ZBTB16: variants seen among roughly 807,000 people sequenced by gnomAD.
The protein encoded by ZBTB16 is zinc finger and BTB domain containing 16.
Under a neutral mutation model 56.8 loss-of-function variants are expected in ZBTB16, and 8 were observed. The observed-to-expected ratio is 0.14, with a 90% CI of 0.08 to 0.25. The LOEUF (loss-of-function observed/expected upper bound fraction) is 0.25. Ranked by LOEUF, ZBTB16 falls within the 10% of genes least tolerant of loss-of-function variation. The probability of loss-of-function intolerance (pLI) is 1.00; values close to 1 mark genes in which losing one functional copy is unlikely to be tolerated. For synonymous variants in ZBTB16, 363 were observed against 368.5 expected, an observed-to-expected ratio of 0.98 and a Z score of 0.17; for missense variants, 625 against 903.0, an observed-to-expected ratio of 0.69 and a Z score of 3.95.
At chr11:114,118,734 C>T (rs1334868232) in intron 2 of ZBTB16, among the ~76,000 whole-genome samples, 1 of 152,094 alleles carries the variant, frequency 6.6e-6, no homozygotes, top group Non-Finnish European at 1.5e-5. Flanking sequence ...ACTCTCACCC[C>T]TAGGAGAACA....
rs1944721685 is a variant in ZBTB16 at position 114,242,226 on chromosome 11, C to T, written c.1513C>T (p.Leu505=). 1 of 1,613,866 alleles carries T rather than the reference C, an allele frequency of 6.2e-7. No individual in the cohort carries two copies. The highest frequency in any genetic ancestry group is 8.5e-7 in the Non-Finnish European group (1 of 1,179,994). Residue 505 remains leucine, a synonymous_variant, in exon 5 of 7, where the codon CTG becomes TTG. Coordinates refer to ENST00000335953, the MANE Select transcript of ZBTB16 (RefSeq NM_006006.6). Reference sequence around the variant, plus strand: ...GAAGCGCTTCCAGGCGCAGAGCGCACTGCAGCAGCACATGGAGGTCCACGC... The same window carrying T: ...GAAGCGCTTCCAGGCGCAGAGCGCATTGCAGCAGCACATGGAGGTCCACGC... ...CGKRFQAQSA[L]QQHMEVHAGV... is the part of the protein sequence containing the mutation.
chr11:114,196,725 G>A (rs1275511161), intron 4 of ZBTB16, among the ~76,000 whole-genome samples: 3 of 152,160 alleles, frequency 2.0e-5, no homozygotes, highest in East Asian at 1.9e-4. Context: ...TGAAGGTTAC[G>A]GTGTTATGAA....
At chr11:114,234,342 C>A (rs970163273) in intron 4 of ZBTB16, among the ~76,000 whole-genome samples, 5 of 152,296 alleles carry the variant, frequency 3.3e-5, no homozygotes, top group African/African-American at 1.2e-4. Flanking sequence ...GACAAACACC[C>A]ATGCATGAGC....
At chr11:114,234,631 T>C (rs1045568056) in intron 4 of ZBTB16, among the ~76,000 whole-genome samples, 5 of 152,168 alleles carry the variant, frequency 3.3e-5, no homozygotes, top group African/African-American at 7.2e-5. Flanking sequence ...GTAGATTCCT[T>C]GAAAAGGAGG....
chr11:114,247,017 A>C (rs1226773479), intron 5 of ZBTB16, 181 bp from the exon 6 acceptor site: 4 of 720,746 alleles, frequency 5.5e-6, no homozygotes, highest in Non-Finnish European at 9.5e-6. Flanking sequence ...AAGTATGGTC[A>C]TGTGTGAAGA....
intron 6 of ZBTB16, among the ~76,000 whole-genome samples, chr11:114,248,718 G>T (rs1396585662): frequency 6.6e-6 from 1 of 152,140 alleles, no homozygotes; most frequent in African/African-American, 2.4e-5. Context: ...CGTTTTTCGT[G>T]TCCCAGTTTG....
At chr11:114,098,322 G>A (rs1378752919) in intron 2 of ZBTB16, among the ~76,000 whole-genome samples, 1 of 152,106 alleles carries the variant, frequency 6.6e-6, no homozygotes, top group African/African-American at 2.4e-5. Context: ...GAAGGTAGGG[G>A]CGCACTATAT....
chr11:114,188,561 G>A (rs1377052937), intron 4 of ZBTB16: 1 of 152,152 alleles, frequency 6.6e-6, no homozygotes, highest in Non-Finnish European at 1.5e-5. Context: ...GGAGTGTTTG[G>A]CTCATAGTAA....
chr11:114,141,557 G>A (rs953114255), intron 2 of ZBTB16, among the ~76,000 whole-genome samples: 3 of 152,200 alleles, frequency 2.0e-5, no homozygotes, highest in Non-Finnish European at 4.4e-5. Flanking sequence ...TGTTTTACAT[G>A]CACAGTCTCA....
chr11:114,114,338 C>T (rs150414728), intron 2 of ZBTB16, among the ~76,000 whole-genome samples: 52 of 152,290 alleles, frequency 3.4e-4, no homozygotes, highest in East Asian at 1.9e-4. Flanking sequence ...GAGGGACCAC[C>T]GGGCTTCAGT....
intron 4 of ZBTB16, among the ~76,000 whole-genome samples, chr11:114,239,667 T>G (rs1944661580): frequency 6.6e-6 from 1 of 152,052 alleles, no homozygotes; most frequent in African/African-American, 2.4e-5. Flanking sequence ...CCAGTGGGAT[T>G]GGAAGGCCTC....
chr11:114,206,677 C>A (rs765076432), intron 4 of ZBTB16, among the ~76,000 whole-genome samples: 1 of 152,184 alleles, frequency 6.6e-6, no homozygotes, highest in Non-Finnish European at 1.5e-5. Flanking sequence ...GGGCTCAGCC[C>A]GCTTTCAGAA....
At position 114,155,923 on chromosome 11, in the gene ZBTB16, C is replaced by T. The variant is rs149403014; in HGVS notation, c.1269-414C>T. The stretch of plus-strand genomic sequence containing the variant: ...GTGTAGCCCTCCTGGGTCCCATGGG[C>T]TCGTTCACAGTCACCACCCGGGAAA... On this transcript the variant is annotated intron_variant, in intron 2 of 6. Transcript: ENST00000335953. Among the ~76,000 whole-genome samples the T allele has an allele frequency of 7.6e-3, 1,155 of 152,276 alleles. 16 individuals carry two copies. The highest frequency in any genetic ancestry group is 0.025 in the African/African-American group (1,027 of 41,546).
In ZBTB16 at chr11:114,253,520, A is replaced by ATCTGGTGTTGC. The variant is rs1325505975; in HGVS notation, c.*2966_*2976dup. On this transcript the variant is annotated 3_prime_UTR_variant, in exon 7 of 7. Coordinates refer to ENST00000335953, the MANE Select transcript of ZBTB16 (RefSeq NM_006006.6). ...TGTTAAATCATGCAGTATTGTCGTAATCTGGTGTTGCAGCAATGGATGGTA... is the reference window on the plus strand; with the variant it reads ...TGTTAAATCATGCAGTATTGTCGTAATCTGGTGTTGCTCTGGTGTTGCAGCAATGGATGGTA... Among the ~76,000 whole-genome samples the ATCTGGTGTTGC allele has an allele frequency of 2.0e-5, 3 of 152,180 alleles. No homozygotes were observed. The highest frequency in any genetic ancestry group is 2.9e-5 in the Non-Finnish European group (2 of 68,042).
chr11:114,190,730 T>TACACACAC (rs746167648), intron 4 of ZBTB16, among the ~76,000 whole-genome samples: 1 of 143,592 alleles, frequency 7.0e-6, no homozygotes, highest in South Asian at 2.3e-4. Context: ...CTCTCTCTCA[T>TACACACAC]ACACACACAC....
At chr11:114,218,099 CAGAT>C (rs145088650) in intron 4 of ZBTB16, among the ~76,000 whole-genome samples, 39,937 of 151,986 alleles carry the variant, frequency 0.26, 6,076 homozygotes, top group South Asian at 0.38. Context: ...TAGGGGATTG[CAGAT>C]CCACCCTCTT....
chr11:114,063,061 A>G lies in ZBTB16; in HGVS notation c.-90-150A>G, dbSNP rs1469450309. 2 of 565,120 alleles carry G rather than the reference A, an allele frequency of 3.5e-6. No homozygotes were observed. Among genetic ancestry groups the G allele is most frequent in the South Asian group, 4.2e-5 (2 of 47,578 alleles). The allele number at this position is 565,120 out of a possible 1,614,324, so 35.0% of individuals were successfully genotyped here. A position where few individuals can be genotyped will look rare whatever the true frequency, so the allele number is the denominator to read the frequency against. ...TGTAGATTTCTAGGAAGCTACTTCA[A>G]TTAAAATCTCTAAGATCCTCTTGCT... is the stretch of plus-strand genomic sequence containing the variant. On this transcript the variant is annotated intron_variant, in intron 1 of 6. Transcript: ENST00000335953. This position sits in a 1 kb window ranked among gnomAD's most constrained non-coding sequence, Gnocchi z 6.5.
At chr11:114,184,867 C>T (rs1232131048) in intron 3 of ZBTB16, among the ~76,000 whole-genome samples, 7 of 152,060 alleles carry the variant, frequency 4.6e-5, no homozygotes, top group Non-Finnish European at 1.0e-4. Flanking sequence ...AAAACACAGG[C>T]ATATTTAAAG....
chr11:114,219,019 TGTGTGTGTGTGCATGTGC>T (rs1273262662), intron 4 of ZBTB16, among the ~76,000 whole-genome samples: 1 of 152,154 alleles, frequency 6.6e-6, no homozygotes, highest in African/African-American at 2.4e-5. Context: ...GAGAGCCGTG[TGTGTGTGTGTGCATGTGC>T]GTGTGCACGC....
Sources: gnomAD v4.1 joint callset for allele counts (sites outside exome capture counted in the v4.1 genomes callset) on GRCh38, gnomAD v4.1.1 for gene constraint, Gnocchi (gnomAD v3.1) non-coding constraint, MANE v1.5 for transcripts, NCBI Gene and HGNC (gene_info 2026-07-23, HGNC 2026-07-21) for gene names.